SEMA3D: variants seen among roughly 807,000 people sequenced by gnomAD.
SEMA3D encodes the protein semaphorin-3D.
In SEMA3D, 84 loss-of-function variants were observed where a neutral mutation model predicts 100.1. The observed-to-expected ratio is 0.84, with a 90% CI of 0.70 to 1.01. The LOEUF (loss-of-function observed/expected upper bound fraction) is 1.01. Among genes scored for constraint, SEMA3D ranks in the 50% least tolerant of loss-of-function variants. The pLI is 0.00. For missense variants in SEMA3D, 875 were observed against 934.1 expected, an observed-to-expected ratio of 0.94 and a Z score of 0.82; for synonymous variants, 312 against 320.7, an observed-to-expected ratio of 0.97 and a Z score of 0.29.
At chr7:85,101,509 T>C (rs1021604979) in intron 3 of SEMA3D, among the ~76,000 whole-genome samples, 3 of 152,010 alleles carry the variant, frequency 2.0e-5, no homozygotes, top group African/African-American at 7.2e-5. Flanking sequence ...TTAACCTCTC[T>C]GTGTCTCAGT....
chr7:85,160,990 C>G (rs529129736), intron 1 of SEMA3D, among the ~76,000 whole-genome samples: 3 of 151,962 alleles, frequency 2.0e-5, no homozygotes, highest in Admixed American at 2.0e-4. Context: ...ACTACTTGCA[C>G]GTATGGAGGA....
At chr7:85,124,969 C>T (rs759471070) in intron 2 of SEMA3D, among the ~76,000 whole-genome samples, 1 of 152,020 alleles carries the variant, frequency 6.6e-6, no homozygotes, top group Non-Finnish European at 1.5e-5. Flanking sequence ...CTGTTCCTTC[C>T]ATTATTTCTT....
chr7:85,222,664 C>A, the SEMA3D span, among the ~76,000 whole-genome samples: 3 of 152,070 alleles, frequency 2.0e-5, no homozygotes, highest in Non-Finnish European at 4.4e-5. Context: ...TTCACAGAAA[C>A]GAAGGCATTG....
intron 1 of SEMA3D, among the ~76,000 whole-genome samples, chr7:85,172,226 C>A (rs1791104814): frequency 6.6e-6 from 1 of 151,714 alleles, no homozygotes; most frequent in Non-Finnish European, 1.5e-5. Flanking sequence ...TCTTATGTAT[C>A]CTATCTCTAA....
chr7:85,059,057 A>G (rs1791404641), intron 8 of SEMA3D, among the ~76,000 whole-genome samples: 1 of 152,196 alleles, frequency 6.6e-6, no homozygotes, highest in African/African-American at 2.4e-5. Flanking sequence ...ATGAACAGAG[A>G]AAAACAACCA....
At chr7:85,121,627 A>G in intron 3 of SEMA3D, 114 bp downstream of exon 3, 1 of 599,442 alleles carries the variant, frequency 1.7e-6, no homozygotes. Flanking sequence ...TTATGAACTG[A>G]TGCCAAAACA....
chr7:85,156,394 C>G (rs1790598698), intron 1 of SEMA3D, among the ~76,000 whole-genome samples: 1 of 152,154 alleles, frequency 6.6e-6, no homozygotes, highest in Admixed American at 6.5e-5. Flanking sequence ...GCCACCACAC[C>G]TGGCCACAAG....
intron 18 of SEMA3D, among the ~76,000 whole-genome samples, 168 bp downstream of exon 18, chr7:85,006,634 G>A (rs1789803102): frequency 1.3e-5 from 2 of 151,788 alleles, no homozygotes; most frequent in South Asian, 4.2e-4. Context: ...TGTGAAGTTG[G>A]CCTATTCTTA....
At chr7:85,154,948 T>C (rs1790544253) in intron 1 of SEMA3D, among the ~76,000 whole-genome samples, 2 of 152,300 alleles carry the variant, frequency 1.3e-5, no homozygotes, top group East Asian at 3.9e-4. Flanking sequence ...TAACTTGTCT[T>C]TCTATATATA....
At chr7:85,199,817 G>C in the SEMA3D span, among the ~76,000 whole-genome samples, 2 of 151,982 alleles carry the variant, frequency 1.3e-5, no homozygotes, top group African/African-American at 4.8e-5. Context: ...GTTTGATATG[G>C]TTTGGCTGTG....
chr7:85,223,709 A>C, the SEMA3D span, among the ~76,000 whole-genome samples: 1 of 152,096 alleles, frequency 6.6e-6, no homozygotes, highest in Non-Finnish European at 1.5e-5. Flanking sequence ...GTGGGAACTA[A>C]ACTATGAGGA....
the SEMA3D span, among the ~76,000 whole-genome samples, chr7:85,216,516 T>G: frequency 6.6e-6 from 1 of 152,034 alleles, no homozygotes; most frequent in African/African-American, 2.4e-5. Flanking sequence ...TTTTACTGTC[T>G]CACCAAGGAA....
At chr7:85,192,515 A>T in the SEMA3D span, among the ~76,000 whole-genome samples, 1 of 152,214 alleles carries the variant, frequency 6.6e-6, no homozygotes, top group Non-Finnish European at 1.5e-5. Context: ...GTTACTACCG[A>T]ACTAGACCAA....
intron 2 of SEMA3D, among the ~76,000 whole-genome samples, chr7:85,129,034 G>A (rs570129530): frequency 1.6e-4 from 25 of 151,832 alleles, no homozygotes; most frequent in Admixed American, 7.9e-4. Context: ...TGGGATTATA[G>A]GCATGTGCCA....
intron 17 of SEMA3D, among the ~76,000 whole-genome samples, chr7:85,010,893 T>C (rs967949277): frequency 6.6e-6 from 1 of 151,440 alleles, no homozygotes; most frequent in Non-Finnish European, 1.5e-5. Context: ...AGACAGAGAA[T>C]GGAAAAGTGG....
the SEMA3D span, among the ~76,000 whole-genome samples, chr7:85,221,662 GACAA>G: frequency 2.0e-5 from 3 of 152,082 alleles, no homozygotes; most frequent in Non-Finnish European, 4.4e-5. Flanking sequence ...ACACTTAATA[GACAA>G]ACAAGATGTC....
At chr7:85,107,668 C>T (rs945833925) in intron 3 of SEMA3D, among the ~76,000 whole-genome samples, 1 of 151,940 alleles carries the variant, frequency 6.6e-6, no homozygotes, top group Non-Finnish European at 1.5e-5. Flanking sequence ...TGATCTAATC[C>T]TCAGGCTCAA....
chr7:85,074,650 C>A (rs953063706), intron 5 of SEMA3D, among the ~76,000 whole-genome samples: 1 of 140,270 alleles, frequency 7.1e-6, no homozygotes, highest in African/African-American at 2.7e-5. Flanking sequence ...TTTTTTTTTT[C>A]TTTGAGACAG....
chr7:85,203,236 C>T, the SEMA3D span, among the ~76,000 whole-genome samples: 2 of 152,228 alleles, frequency 1.3e-5, no homozygotes, highest in Middle Eastern at 6.8e-3. Flanking sequence ...AAGTTAGCAT[C>T]TTGTGTGTTT....
Sources: gnomAD v4.1 joint callset for allele counts (sites outside exome capture counted in the v4.1 genomes callset) on GRCh38, gnomAD v4.1.1 for gene constraint, MANE v1.5 for transcripts, NCBI Gene and HGNC (gene_info 2026-07-23, HGNC 2026-07-21) for gene names.